C16orf96: variants seen among roughly 807,000 people sequenced by gnomAD.
C16orf96 encodes uncharacterized protein C16orf96.
Under a neutral mutation model 103.6 loss-of-function variants are expected in C16orf96, and 108 were observed. That is an observed-to-expected ratio of 1.04 (90% confidence interval 0.89 to 1.22). The LOEUF (loss-of-function observed/expected upper bound fraction) is 1.22. C16orf96 is among the 50% of genes most tolerant of loss of function. C16orf96 has a pLI of 0.00. For synonymous variants in C16orf96, 566 were observed against 593.5 expected, an observed-to-expected ratio of 0.95 and a Z score of 0.67; for missense variants, 1,586 against 1,464.2, an observed-to-expected ratio of 1.08 and a Z score of -1.36.
chr16:4,562,560 T>A (rs777982426), intron 1 of C16orf96, among the ~76,000 whole-genome samples: 1 of 152,224 alleles, frequency 6.6e-6, no homozygotes, highest in Non-Finnish European at 1.5e-5. Context: ...TGTCTTTATT[T>A]TTTAAGATTG....
the C16orf96 span, among the ~76,000 whole-genome samples, chr16:4,543,359 G>T: frequency 2.0e-5 from 3 of 152,146 alleles, no homozygotes; most frequent in Admixed American, 2.0e-4. Flanking sequence ...AGAGGGTGAG[G>T]AAACATGAGG....
chr16:4,556,607 G>A lies in C16orf96; in HGVS notation c.118G>A (p.Ala40Thr). Residue 40 changes from alanine to threonine, a missense_variant, in exon 1 of 16, where the codon GCC becomes ACC. Ala to Thr is a moderately conservative substitution (Grantham distance 58). Transcript: ENST00000444310. ...CGGCATCTTGGAGCACATCCACATG[G>A]CCGAGCTCAAGAAAGTCCTCTCAGG... ...LHGILEHIHM[A>T]ELKKVLSGDE... 6.4e-7 allele frequency: 1 copy of A among 1,551,678 alleles called. No individual in the cohort carries two copies. The highest frequency in any genetic ancestry group is 8.7e-7 in the Non-Finnish European group (1 of 1,147,014).
In C16orf96 at chr16:4,600,133, C is replaced by T. The variant is rs371582107; in HGVS notation, c.3242C>T (p.Ala1081Val). 2.5e-4 allele frequency: 393 copies of T among 1,551,718 alleles called. No individual in the cohort carries two copies. Among genetic ancestry groups the T allele is most frequent in the Middle Eastern group, 2.3e-3 (14 of 5,994 alleles). ...CCCCGCTCCAGTGCCTGCTCAGCTG[C>T]CTCGGGCCCTCACCTGACGATGCCA... ...LCPRSSACSA[A>V]SGPHLTMPAR... Residue 1081 changes from alanine to valine, a missense_variant, in exon 16 of 16, where the codon GCC (alanine) becomes GTC (valine). Ala to Val is a moderately conservative substitution (Grantham distance 64, BLOSUM62 0). Coordinates refer to ENST00000444310, the MANE Select transcript of C16orf96 (RefSeq NM_001145011.2).
intron 8 of C16orf96, among the ~76,000 whole-genome samples, chr16:4,587,663 G>C (rs1896961199): frequency 6.7e-6 from 1 of 149,498 alleles, no homozygotes; most frequent in Non-Finnish European, 1.5e-5. Flanking sequence ...CTGTGCACAG[G>C]GTGGCTCATA....
chr16:4,587,046 A>G lies in C16orf96; in HGVS notation c.2360A>G (p.Gln787Arg). Reference sequence around the variant, plus strand: ...CTGTGCTTCTGTTCTTAGACTCTCCAGGCTCAAATCAAAAGACTGGAAATG... The same window carrying G: ...CTGTGCTTCTGTTCTTAGACTCTCCGGGCTCAAATCAAAAGACTGGAAATG... ...QIRMDEFKTL[Q>R]AQIKRLEMNK... The change falls in exon 8 of 16, where the codon CAG becomes CGG. Residue 787 changes from glutamine (Q) to arginine (R), a missense_variant. By Grantham distance (43) the Gln-to-Arg change is conservative. Transcript: ENST00000444310. 6.4e-7 allele frequency: 1 copy of G among 1,551,554 alleles called. No homozygotes were observed. The highest frequency in any genetic ancestry group is 1.2e-5 in the South Asian group (1 of 84,054).
At chr16:4,557,678 A>AT (rs1032572358) in intron 1 of C16orf96, among the ~76,000 whole-genome samples, 7 of 151,044 alleles carry the variant, frequency 4.6e-5, no homozygotes, top group East Asian at 1.9e-4. Context: ...TTTCACCCCA[A>AT]TTTTTTTTTG....
upstream of C16orf96, among the ~76,000 whole-genome samples, chr16:4,555,061 G>A (rs2059249778): frequency 6.6e-6 from 1 of 151,794 alleles, no homozygotes; most frequent in Admixed American, 6.6e-5. Flanking sequence ...TCGGGAGTTT[G>A]AGACCAGCCT....
At chr16:4,577,178 CG>C (rs1567447622) in intron 5 of C16orf96, among the ~76,000 whole-genome samples, 25 of 151,348 alleles carry the variant, frequency 1.7e-4, no homozygotes, top group African/African-American at 6.1e-4. Context: ...GCAACAAGAA[CG>C]AAACTCTGTC....
intron 5 of C16orf96, among the ~76,000 whole-genome samples, 161 bp from the exon 6 acceptor site, chr16:4,578,778 AT>A (rs1567448513): frequency 6.6e-6 from 1 of 152,198 alleles, no homozygotes. Context: ...TAATTAAAAA[AT>A]AATGAAGAAA....
At chr16:4,567,551 G>A (rs544758456) in intron 1 of C16orf96, among the ~76,000 whole-genome samples, 49 of 151,582 alleles carry the variant, frequency 3.2e-4, no homozygotes, top group African/African-American at 1.1e-3. Context: ...CCAAAGTGCT[G>A]GGATTACAGG....
upstream of C16orf96, among the ~76,000 whole-genome samples, chr16:4,554,651 G>A (rs1313181266): frequency 6.7e-6 from 1 of 149,842 alleles, no homozygotes; most frequent in Non-Finnish European, 1.5e-5. Context: ...ACCGCACCCA[G>A]CCTATCGCCC....
the C16orf96 span, among the ~76,000 whole-genome samples, chr16:4,551,247 G>A: frequency 6.6e-6 from 1 of 152,158 alleles, no homozygotes; most frequent in Non-Finnish European, 1.5e-5. Flanking sequence ...TCCAGCCTGG[G>A]TGACAGTGAG....
upstream of C16orf96, among the ~76,000 whole-genome samples, chr16:4,552,567 G>A (rs2059234915): frequency 6.6e-6 from 1 of 151,766 alleles, no homozygotes; most frequent in Non-Finnish European, 1.5e-5. Context: ...TCTCACTGCT[G>A]TGTTATAGTC....
chr16:4,576,657 G>A, intron 5 of C16orf96, 22 bp downstream of exon 5: 1 of 1,537,766 alleles, frequency 6.5e-7, no homozygotes, highest in Non-Finnish European at 8.8e-7. Flanking sequence ...CTGGCCCTGG[G>A]AAGGGCACAA....
At chr16:4,579,893 G>T in intron 6 of C16orf96, 122 bp from the exon 7 acceptor site, 1 of 774,554 alleles carries the variant, frequency 1.3e-6, no homozygotes, top group Non-Finnish European at 2.1e-6. Context: ...TTACAGGCAT[G>T]AGCCACCACG....
At position 4,575,605 on chromosome 16, in the gene C16orf96, C is replaced by T; in HGVS notation, c.1125C>T (p.Ala375=). 6.6e-7 allele frequency: 1 copy of T among 1,512,174 alleles called. No individual in the cohort carries two copies. Among genetic ancestry groups the T allele is most frequent in the Non-Finnish European group, 8.8e-7 (1 of 1,130,044 alleles). 93.7% of individuals were successfully genotyped at this position (1,512,174 alleles called of 1,614,324 possible). ...APWPVLGPVP[A]PGAQPPPLGD... Reference sequence around the variant, plus strand: ...GGCCTGTGCTTGGACCTGTGCCTGCCCCAGGTGCCCAGCCTCCACCACTGG... The same window carrying T: ...GGCCTGTGCTTGGACCTGTGCCTGCTCCAGGTGCCCAGCCTCCACCACTGG... Residue 375 remains alanine, a synonymous_variant, in exon 5 of 16, where the codon GCC becomes GCT. Transcript: ENST00000444310.
intron 7 of C16orf96, among the ~76,000 whole-genome samples, chr16:4,584,278 C>G (rs1022326099): frequency 2.6e-5 from 2 of 76,938 alleles, no homozygotes; most frequent in Non-Finnish European, 7.5e-5. Context: ...GCCTTGAACT[C>G]CCAGGCTCAA....
chr16:4,547,579 T>TTCTCC, the C16orf96 span, among the ~76,000 whole-genome samples: 8 of 151,674 alleles, frequency 5.3e-5, no homozygotes, highest in South Asian at 4.2e-4. Context: ...GGTACAGGTT[T>TTCTCC]TCTCCTCTCC....
chr16:4,543,238 C>G, the C16orf96 span, among the ~76,000 whole-genome samples: 1,365 of 152,050 alleles, frequency 9.0e-3, 19 homozygotes, highest in East Asian at 0.043. Context: ...GTAGGGTACT[C>G]CAAGTAGTTA....
Sources: allele counts gnomAD v4.1 joint callset (sites outside exome capture counted in the v4.1 genomes callset), GRCh38; gene constraint gnomAD v4.1.1; transcripts MANE v1.5; gene names NCBI Gene and HGNC (gene_info 2026-07-23, HGNC 2026-07-21).